Variants in DUSP16 observed in about 807,000 individuals in gnomAD.
DUSP16 encodes the protein dual specificity protein phosphatase 16.
DUSP16 carries 21 observed loss-of-function variants against 58.3 expected under a neutral mutation model. The observed-to-expected ratio is 0.36, with a 90% confidence interval of 0.26 to 0.52. The LOEUF (loss-of-function observed/expected upper bound fraction) is 0.52, where lower values mean the gene tolerates loss of function less well. Ranked by LOEUF, DUSP16 falls within the 20% of genes least tolerant of loss-of-function variation. The pLI is 0.94. For synonymous variants in DUSP16, 320 were observed against 323.8 expected (o/e 0.99, Z 0.12); for missense variants, 726 against 819.0 (o/e 0.89, Z 1.39).
chr12:12,541,362 C>A (rs961316811), intron 1 of DUSP16, among the ~76,000 whole-genome samples: 1 of 152,144 alleles, frequency 6.6e-6, no homozygotes, highest in Non-Finnish European at 1.5e-5. Flanking sequence ...CTGCCCCACA[C>A]AAATACAAAC....
chr12:12,556,525 T>C (rs1448673356), intron 1 of DUSP16, among the ~76,000 whole-genome samples: 1 of 151,982 alleles, frequency 6.6e-6, no homozygotes, highest in African/African-American at 2.4e-5. Context: ...CAGTGAGCTA[T>C]GATTGCTCTA....
intron 4 of DUSP16, among the ~76,000 whole-genome samples, chr12:12,497,364 C>T (rs1025035898): frequency 6.6e-6 from 1 of 152,088 alleles, no homozygotes. Flanking sequence ...TTCAGTCCTT[C>T]GTAACAGCCT....
In DUSP16 at chr12:12,487,141, T is replaced by G; in HGVS notation, c.578A>C (p.Asn193Thr). ...NGIGYVLNAS[N>T]TCPKPDFIPE... ...GATAAAGTCAGGCTTTGGACAGGTA[T>G]TGCTGGCATTTAACACATAACCAAT... Residue 193 changes from asparagine (N) to threonine (T), a missense_variant, in exon 5 of 7, where the codon AAT becomes ACT. Transcript: ENST00000298573. The G allele has an allele frequency of 6.2e-7, 1 of 1,614,160 alleles. No homozygotes were observed. The highest frequency in any genetic ancestry group is 8.5e-7 in the Non-Finnish European group (1 of 1,180,000).
chr12:12,531,383 T>A (rs1418038872), intron 1 of DUSP16, among the ~76,000 whole-genome samples: 1 of 152,152 alleles, frequency 6.6e-6, no homozygotes, highest in East Asian at 1.9e-4. Context: ...TGAAGATAAT[T>A]TCAAAATGGC....
intron 1 of DUSP16, among the ~76,000 whole-genome samples, chr12:12,528,747 A>C (rs557548201): frequency 6.6e-6 from 1 of 152,146 alleles, no homozygotes; most frequent in Admixed American, 6.6e-5. Flanking sequence ...GCCTTTCTGG[A>C]GCTTCTAATT....
chr12:12,522,487 T>TATCTC (rs751478006), intron 1 of DUSP16, among the ~76,000 whole-genome samples: 10 of 152,198 alleles, frequency 6.6e-5, no homozygotes, highest in Non-Finnish European at 1.5e-4. Flanking sequence ...CTATCTCCCC[T>TATCTC]GGTCCATCTC....
chr12:12,494,785 G>A (rs1943806669), intron 4 of DUSP16, among the ~76,000 whole-genome samples: 1 of 152,128 alleles, frequency 6.6e-6, no homozygotes, highest in Non-Finnish European at 1.5e-5. Flanking sequence ...GGTCCTGGAA[G>A]GTCTTAAATA....
chr12:12,490,547 A>G (rs1004117922), intron 4 of DUSP16, among the ~76,000 whole-genome samples: 1 of 152,348 alleles, frequency 6.6e-6, no homozygotes, highest in East Asian at 1.9e-4. Flanking sequence ...TGATATATAC[A>G]TACTCGAAAC....
intron 1 of DUSP16, among the ~76,000 whole-genome samples, chr12:12,548,521 A>G (rs1177042171): frequency 6.6e-6 from 1 of 150,984 alleles, no homozygotes; most frequent in African/African-American, 2.4e-5. Flanking sequence ...AATCCCAGCT[A>G]CTCGGGAAGC....
At chr12:12,545,426 C>T (rs917683202) in intron 1 of DUSP16, among the ~76,000 whole-genome samples, 2 of 149,976 alleles carry the variant, frequency 1.3e-5, no homozygotes, top group Non-Finnish European at 3.0e-5. Context: ...ACCACCAAGC[C>T]CAGCTAATTT....
chr12:12,543,642 TTA>T lies in DUSP16; in HGVS notation c.-366+18473_-366+18474del, dbSNP rs1304160033. Among the ~76,000 whole-genome samples the T allele has an allele frequency of 9.9e-5, 15 of 152,088 alleles. 1 individual carries two copies. Among genetic ancestry groups the T allele is most frequent in the African/African-American group, 3.1e-4 (13 of 41,416 alleles). On this transcript the variant is annotated intron_variant, in intron 1 of 6. Coordinates refer to ENST00000298573, the MANE Select transcript of DUSP16 (RefSeq NM_030640.3). Reference sequence around the variant, plus strand: ...AGTGATAAATTGGCTAAATATATTATTATATCAATGTAGTATACCATATGGAC... The same window carrying T: ...AGTGATAAATTGGCTAAATATATTATTATCAATGTAGTATACCATATGGAC...
chr12:12,547,146 C>A (rs1390167523), intron 1 of DUSP16, among the ~76,000 whole-genome samples: 1 of 152,180 alleles, frequency 6.6e-6, no homozygotes, highest in African/African-American at 2.4e-5. Context: ...AAAACAATAA[C>A]AGGCCAGTGC....
At chr12:12,553,718 A>G (rs111895119) in intron 1 of DUSP16, among the ~76,000 whole-genome samples, 1,932 of 151,594 alleles carry the variant, frequency 0.013, 43 homozygotes, top group African/African-American at 0.044. Context: ...AATTTTTTGT[A>G]TTTTTTGTGG....
intron 1 of DUSP16, among the ~76,000 whole-genome samples, chr12:12,560,361 A>G (rs992094305): frequency 2.0e-5 from 3 of 152,028 alleles, no homozygotes; most frequent in African/African-American, 7.3e-5. Flanking sequence ...ATTCATTTCT[A>G]ATTTTTCCCC....
intron 4 of DUSP16, among the ~76,000 whole-genome samples, chr12:12,492,319 G>GAA (rs34038871): frequency 2.0e-5 from 3 of 151,824 alleles, no homozygotes; most frequent in East Asian, 3.9e-4. Context: ...TACTACAATG[G>GAA]AAAAACTGAA....
intron 1 of DUSP16, among the ~76,000 whole-genome samples, chr12:12,533,601 A>AGGCTTCCTTCTCTCAGTC (rs1237052550): frequency 6.6e-6 from 1 of 152,180 alleles, no homozygotes; most frequent in East Asian, 1.9e-4. Flanking sequence ...ACTCCACCAC[A>AGGCTTCCTTCTCTCAGTC]GGCTTCCTTC....
At chr12:12,557,739 ACT>A (rs909097988) in intron 1 of DUSP16, among the ~76,000 whole-genome samples, 4 of 152,186 alleles carry the variant, frequency 2.6e-5, no homozygotes, top group African/African-American at 7.2e-5. Flanking sequence ...TTTTTAATGT[ACT>A]GTTTACTTGT....
chr12:12,511,202 C>T (rs1335180620), intron 3 of DUSP16, among the ~76,000 whole-genome samples: 1 of 152,152 alleles, frequency 6.6e-6, no homozygotes, highest in Non-Finnish European at 1.5e-5. Flanking sequence ...GCTCCTGGAG[C>T]AACCTGGGGG....
chr12:12,535,360 T>A (rs74691652), intron 1 of DUSP16, among the ~76,000 whole-genome samples: 3 of 152,246 alleles, frequency 2.0e-5, no homozygotes, highest in Non-Finnish European at 4.4e-5. Context: ...AATTTTTTTT[T>A]ACAAAACATC....
Sources: allele counts gnomAD v4.1 joint callset (sites outside exome capture counted in the v4.1 genomes callset), GRCh38; gene constraint gnomAD v4.1.1; transcripts MANE v1.5; gene names NCBI Gene and HGNC (gene_info 2026-07-23, HGNC 2026-07-21).